PTCHD1: variants seen among roughly 807,000 people sequenced by gnomAD.
PTCHD1 encodes patched domain containing 1.
PTCHD1 carries 3 observed loss-of-function variants against 34.6 expected under a neutral mutation model. The observed-to-expected ratio is 0.09, with a 90% CI of 0.04 to 0.22. The LOEUF is 0.22. Among genes scored for constraint, PTCHD1 ranks in the 10% least tolerant of loss-of-function variants. The pLI is 1.00. For synonymous variants in PTCHD1, 305 were observed against 283.1 expected, an observed-to-expected ratio of 1.08 and a Z score of -0.77; for missense variants, 504 against 685.5, an observed-to-expected ratio of 0.74 and a Z score of 2.96.
At chrX:23,373,055 A>G (rs56980928) in intron 1 of PTCHD1, among the ~76,000 whole-genome samples, 14 of 112,381 alleles carry the variant, frequency 1.2e-4, no homozygotes, top group African/African-American at 4.5e-4. Flanking sequence ...TCTTATCCAT[A>G]CCAGTGTGGA....
chrX:23,344,353 T>C (rs1428213585), intron 1 of PTCHD1, among the ~76,000 whole-genome samples: 1 of 112,397 alleles, frequency 8.9e-6, no homozygotes, highest in Middle Eastern at 4.2e-3. Flanking sequence ...GTGAAGGCAC[T>C]GTGTAACCAT....
chrX:23,376,106 C>T (rs139514671), intron 1 of PTCHD1, among the ~76,000 whole-genome samples: 1,188 of 111,875 alleles, frequency 0.011, 13 homozygotes, highest in Non-Finnish European at 0.015. Flanking sequence ...TTTTTCCACG[C>T]GCGAGTGCAA....
At chrX:23,365,281 G>A (rs5925758) in intron 1 of PTCHD1, among the ~76,000 whole-genome samples, 20,778 of 111,337 alleles carry the variant, frequency 0.19, 1,516 homozygotes, top group South Asian at 0.25. Context: ...AGTGTTGTGT[G>A]TTCAAATATG....
At position 23,395,099 on chromosome X, in the gene PTCHD1, T is replaced by G. The variant is rs1888874487; in HGVS notation, c.*914T>G. 8.9e-6 allele frequency: 1 copy of G among 112,013 alleles called. No homozygotes were observed. The highest frequency in any genetic ancestry group is 1.9e-5 in the Non-Finnish European group (1 of 53,252). The allele number at this position is 112,013 out of a possible 1,213,427, so 9.2% of individuals were successfully genotyped here. On this transcript the variant is annotated 3_prime_UTR_variant, in exon 3 of 3. Transcript: ENST00000379361. ...TGATGGAGCAAAAGCAGGTGTCTAC[T>G]TGGACCCAGATATAGTGTCTCCATT...
Position 23,381,003 on chromosome X carries a change from G to A in PTCHD1, c.1012+752G>A, listed in dbSNP as rs751102437. Reference sequence around the variant, plus strand: ...TGGGAGGGCATGTTGGGTTGGCACTGAGAGCGCCTGCTACTCTCAGTTTCC... The same window carrying A: ...TGGGAGGGCATGTTGGGTTGGCACTAAGAGCGCCTGCTACTCTCAGTTTCC... On this transcript the variant is annotated intron_variant, in intron 2 of 2. Transcript: ENST00000379361. Among the ~76,000 whole-genome samples the A allele has an allele frequency of 2.3e-3, 260 of 112,066 alleles. 1 individual carries two copies. Among genetic ancestry groups the A allele is most frequent in the Non-Finnish European group, 4.0e-3 (215 of 53,168 alleles).
rs1277342945 is a variant in PTCHD1 at position 23,397,304 on chromosome X, T to A, written c.*3119T>A. On this transcript the variant is annotated 3_prime_UTR_variant, in exon 3 of 3. Transcript: ENST00000379361. ...ATGTCAATTCACAGGGAATGTGGTGTTCGCAAGAAAGAAAATGATACTTGA... is the reference window on the plus strand; with the variant it reads ...ATGTCAATTCACAGGGAATGTGGTGATCGCAAGAAAGAAAATGATACTTGA... 2 of 111,832 alleles carry A rather than the reference T, an allele frequency of 1.8e-5. No individual in the cohort carries two copies. Among genetic ancestry groups the A allele is most frequent in the East Asian group, 5.6e-4 (2 of 3,581 alleles). 9.2% of individuals were successfully genotyped at this position (111,832 alleles called of 1,213,427 possible).
In PTCHD1 at chrX:23,404,235, T is replaced by A. The variant is rs1361433592; in HGVS notation, c.*10050T>A. The A allele has an allele frequency of 1.8e-5, 2 of 112,525 alleles. No individual in the cohort carries two copies. The highest frequency in any genetic ancestry group is 3.8e-5 in the Non-Finnish European group (2 of 53,312). The allele number at this position is 112,525 out of a possible 1,213,427, so 9.3% of individuals were successfully genotyped here. A position where few individuals can be genotyped will look rare whatever the true frequency, so the allele number is the denominator to read the frequency against. On this transcript the variant is annotated 3_prime_UTR_variant, in exon 3 of 3. Transcript: ENST00000379361. ...TCAAATTTCGAATGTAAAGGAGATT[T>A]CAAATGTATTGCTTTCACCTTTTCT...
intron 2 of PTCHD1, among the ~76,000 whole-genome samples, chrX:23,382,648 G>A (rs1258268137): frequency 5.3e-5 from 6 of 112,866 alleles, no homozygotes; most frequent in African/African-American, 3.2e-5. Flanking sequence ...CATTTGCAGC[G>A]AAAGAGACCA....
At chrX:23,342,098 G>T (rs1921325157) in intron 1 of PTCHD1, among the ~76,000 whole-genome samples, 1 of 107,901 alleles carries the variant, frequency 9.3e-6, no homozygotes, top group Admixed American at 1.0e-4. Flanking sequence ...GGCAACTGGG[G>T]CTCAGTCTCA....
chrX:23,374,729 A>T (rs935834401), intron 1 of PTCHD1, among the ~76,000 whole-genome samples: 43 of 111,632 alleles, frequency 3.9e-4, no homozygotes, highest in African/African-American at 1.3e-3. Flanking sequence ...AAGTAGCCGT[A>T]ATAATGTTCA....
In PTCHD1 at chrX:23,393,134, T is replaced by C. The variant is rs1475381723; in HGVS notation, c.1616T>C (p.Ile539Thr). The C allele has an allele frequency of 8.3e-7, 1 of 1,211,475 alleles. No individual in the cohort carries two copies. The highest frequency in any genetic ancestry group is 1.7e-5 in the African/African-American group (1 of 57,820). ...ATTGTAGCAACCGCGACACAAACCA[T>C]TGAGTACACTACTGCCCAGCAAAAG... Reference protein sequence around the residue: ...SNIVATATQTIEYTTAQQKYF... With the variant: ...SNIVATATQTTEYTTAQQKYF... Residue 539 changes from isoleucine (I) to threonine (T), a missense_variant, in exon 3 of 3, where the codon ATT becomes ACT. Ile to Thr is a moderately conservative substitution (Grantham distance 89). Transcript: ENST00000379361.
At position 23,380,065 on chromosome X, in the gene PTCHD1, C is replaced by G; in HGVS notation, c.826C>G (p.Leu276Val). 8.3e-7 allele frequency: 1 copy of G among 1,211,824 alleles called. No homozygotes were observed. Among genetic ancestry groups the G allele is most frequent in the Non-Finnish European group, 1.1e-6 (1 of 895,318 alleles). The change falls in exon 2 of 3, where the codon CTG becomes GTG. Residue 276 changes from leucine to valine, a missense_variant. Transcript: ENST00000379361. ...RVSERYLVTS[L>V]ILVVTMAILC... ...ATCAGAACGTTACCTGGTCACCAGC[C>G]TGATTCTGGTGGTTACCATGGCCAT...
rs769693874 is a variant in PTCHD1 at position 23,401,973 on chromosome X, C to T, written c.*7788C>T. 12 of 112,344 alleles carry T rather than the reference C, an allele frequency of 1.1e-4. No individual in the cohort carries two copies. Among genetic ancestry groups the T allele is most frequent in the South Asian group, 3.7e-4 (1 of 2,725 alleles). 9.3% of individuals were successfully genotyped at this position (112,344 alleles called of 1,213,427 possible). A position where few individuals can be genotyped will look rare whatever the true frequency, so the allele number is the denominator to read the frequency against. ...CAAGAAGAATAGCATAGACCCAAAA[C>T]GACAGAGATCTCTTCCAAGGTATGG... On this transcript the variant is annotated 3_prime_UTR_variant, in exon 3 of 3. Coordinates refer to ENST00000379361, the MANE Select transcript of PTCHD1 (RefSeq NM_173495.3).
chrX:23,343,540 CA>C (rs1480111005), intron 1 of PTCHD1, among the ~76,000 whole-genome samples: 1 of 112,295 alleles, frequency 8.9e-6, no homozygotes, highest in African/African-American at 3.2e-5. Context: ...ACATCAAGGA[CA>C]AGTGGTTTTC....
intron 1 of PTCHD1, among the ~76,000 whole-genome samples, chrX:23,355,067 C>T (rs1198035128): frequency 9.1e-6 from 1 of 109,415 alleles, no homozygotes; most frequent in African/African-American, 3.3e-5. Context: ...CCAATTGCTG[C>T]GACAGGTATG....
At chrX:23,338,131 G>T (rs1039287420) in intron 1 of PTCHD1, among the ~76,000 whole-genome samples, 54 of 111,672 alleles carry the variant, frequency 4.8e-4, no homozygotes, top group African/African-American at 1.5e-3. Flanking sequence ...ACACTGTGAG[G>T]CATGACTCCC....
intron 1 of PTCHD1, among the ~76,000 whole-genome samples, chrX:23,347,824 A>G (rs763557491): frequency 7.2e-5 from 8 of 111,225 alleles, no homozygotes; most frequent in Non-Finnish European, 1.3e-4. Context: ...TGGGCAACAT[A>G]GCAAGACCCC....
chrX:23,366,605 T>G, intron 1 of PTCHD1, among the ~76,000 whole-genome samples: 1 of 111,596 alleles, frequency 9.0e-6, no homozygotes, highest in Admixed American at 9.6e-5. Context: ...AATTTAGAAG[T>G]CAGTTCATCT....
At chrX:23,380,753 C>G (rs1183154437) in intron 2 of PTCHD1, among the ~76,000 whole-genome samples, 1 of 111,118 alleles carries the variant, frequency 9.0e-6, no homozygotes, top group Non-Finnish European at 1.9e-5. Flanking sequence ...CACAGGGGAC[C>G]TTTGGGAGAC....
Sources: gnomAD v4.1 joint callset for allele counts (sites outside exome capture counted in the v4.1 genomes callset) on GRCh38, gnomAD v4.1.1 for gene constraint, MANE v1.5 for transcripts, NCBI Gene and HGNC (gene_info 2026-07-23, HGNC 2026-07-21) for gene names.